The following LGR6 variants were observed in gnomAD, a reference collection of about 807,000 sequenced individuals.
LGR6 encodes leucine-rich repeat-containing G protein-coupled receptor 6.
In LGR6, 45 loss-of-function variants were observed where a neutral mutation model predicts 69.4. The ratio of observed to expected loss-of-function variants is 0.65; its 90% confidence interval spans 0.51 to 0.83. The LOEUF (loss-of-function observed/expected upper bound fraction) is 0.83, where lower values mean the gene tolerates loss of function less well. LGR6 is among the 40% of genes least tolerant of loss of function. The pLI, the probability that LGR6 is intolerant of heterozygous loss-of-function variation, is 0.00. For missense variants in LGR6, 1,108 were observed against 1,246.7 expected (o/e 0.89, Z 1.68); for synonymous variants, 538 against 555.0 (o/e 0.97, Z 0.43).
intron 1 of LGR6, among the ~76,000 whole-genome samples, chr1:202,195,613 G>A (rs562459440): frequency 1.0e-3 from 155 of 152,292 alleles, no homozygotes; most frequent in Middle Eastern, 3.4e-3. Context: ...GGCAAAGCAG[G>A]GCAGGCTCCG....
chr1:202,203,591 G>C, intron 1 of LGR6: 1 of 556,140 alleles, frequency 1.8e-6, no homozygotes, highest in Non-Finnish European at 3.2e-6. Context: ...GACAAATGTG[G>C]ATTGAATGCT....
At chr1:202,234,911 G>A (rs556722056) in intron 3 of LGR6, among the ~76,000 whole-genome samples, 19 of 152,242 alleles carry the variant, frequency 1.2e-4, no homozygotes, top group African/African-American at 4.3e-4. Flanking sequence ...CTGTGCCCAG[G>A]GCAGTCAGCA....
At chr1:202,215,366 G>T (rs185842762) in intron 1 of LGR6, among the ~76,000 whole-genome samples, 1 of 152,264 alleles carries the variant, frequency 6.6e-6, no homozygotes, top group African/African-American at 2.4e-5. Context: ...GGATTTCCAT[G>T]CGAGGAGGGA....
intron 17 of LGR6, among the ~76,000 whole-genome samples, chr1:202,317,196 C>T (rs1425540662): frequency 6.6e-6 from 1 of 152,184 alleles, no homozygotes; most frequent in Non-Finnish European, 1.5e-5. Flanking sequence ...TGTCCCTACC[C>T]ACCATAGCTC....
At chr1:202,305,616 C>T in intron 11 of LGR6, 68 bp from the exon 12 acceptor site, 1 of 1,368,806 alleles carries the variant, frequency 7.3e-7, no homozygotes, top group East Asian at 2.3e-5. Flanking sequence ...GGCTAGAGCC[C>T]CCCGTCCCCG....
chr1:202,289,231 G>T (rs705755), intron 6 of LGR6, among the ~76,000 whole-genome samples: 73,362 of 151,970 alleles, frequency 0.48, 18,633 homozygotes, highest in East Asian at 0.7. Flanking sequence ...GAAGGATTAC[G>T]TAATCTGCAG....
Position 202,194,270 on chromosome 1 carries a change from C to A in LGR6, c.212+69C>A, listed in dbSNP as rs541606353. 10 of 1,169,394 alleles carry A rather than the reference C, an allele frequency of 8.6e-6. No individual in the cohort carries two copies. In the East Asian group the frequency reaches 2.2e-4, roughly 26 times the overall value. 72.4% of individuals were successfully genotyped at this position (1,169,394 alleles called of 1,614,324 possible). On this transcript the variant is annotated intron_variant, in intron 1 of 17. Coordinates refer to ENST00000367278, the MANE Select transcript of LGR6 (RefSeq NM_001017403.2). ...GGCTAGCGCCCAGTCCCGGCCTCAG[C>A]AGGGCACCTGCTTGCTTGGTGCCCT...
At position 202,305,562 on chromosome 1, in the gene LGR6, G is replaced by A. The variant is rs928432577; in HGVS notation, c.1071-122G>A. On this transcript the variant is annotated intron_variant, in intron 11 of 17. Coordinates refer to ENST00000367278, the MANE Select transcript of LGR6 (RefSeq NM_001017403.2). ...ATGCCTCAACAGCCATGTCCCTGTGGGGTCCCCACAGCCTTCAGCTAATTG... is the reference window on the plus strand; with the variant it reads ...ATGCCTCAACAGCCATGTCCCTGTGAGGTCCCCACAGCCTTCAGCTAATTG... 5 of 777,812 alleles carry A rather than the reference G, an allele frequency of 6.4e-6. No individual in the cohort carries two copies. In the African/African-American group the frequency reaches 6.9e-5, roughly 11 times the overall value. The allele number at this position is 777,812 out of a possible 1,614,324, so 48.2% of individuals were successfully genotyped here. A position where few individuals can be genotyped will look rare whatever the true frequency, so the allele number is the denominator to read the frequency against.
intron 2 of LGR6, 91 bp from the exon 3 acceptor site, chr1:202,227,845 C>T (rs1273812136): frequency 1.2e-6 from 1 of 845,954 alleles, no homozygotes; most frequent in African/African-American, 1.7e-5. Context: ...CCACCGCCCT[C>T]CCTTCCCGTA....
intron 4 of LGR6, among the ~76,000 whole-genome samples, chr1:202,247,405 A>C (rs1377162838): frequency 6.6e-6 from 1 of 151,986 alleles, no homozygotes; most frequent in Non-Finnish European, 1.5e-5. Context: ...CCCTCTCCCA[A>C]CCTCAGCTGA....
chr1:202,286,811 T>C (rs1355135746), intron 6 of LGR6, among the ~76,000 whole-genome samples: 1 of 152,130 alleles, frequency 6.6e-6, no homozygotes, highest in East Asian at 1.9e-4. Flanking sequence ...CCCAATGAGT[T>C]TGTGTTGCGT....
chr1:202,221,645 T>C (rs1660160851), intron 1 of LGR6, among the ~76,000 whole-genome samples: 1 of 152,128 alleles, frequency 6.6e-6, no homozygotes, highest in Non-Finnish European at 1.5e-5. Flanking sequence ...TGTACATGCA[T>C]AGGTACAGAT....
chr1:202,252,791 G>A (rs1663379246), intron 4 of LGR6, among the ~76,000 whole-genome samples: 1 of 152,236 alleles, frequency 6.6e-6, no homozygotes, highest in South Asian at 2.1e-4. Flanking sequence ...TATGCTTCCT[G>A]TCTCCTTTCT....
At chr1:202,210,443 AC>A (rs1371496320) in intron 1 of LGR6, among the ~76,000 whole-genome samples, 18 of 148,936 alleles carry the variant, frequency 1.2e-4, no homozygotes, top group African/African-American at 3.9e-4. Context: ...AAAAAAAAAA[AC>A]AAAAACCCTA....
chr1:202,279,959 GT>G (rs1665878410), intron 5 of LGR6, among the ~76,000 whole-genome samples: 1 of 152,136 alleles, frequency 6.6e-6, no homozygotes, highest in Non-Finnish European at 1.5e-5. Context: ...TTATTGGATT[GT>G]TTTGTAGCAG....
chr1:202,316,724 A>G (rs4950777), intron 17 of LGR6, among the ~76,000 whole-genome samples: 51,276 of 151,968 alleles, frequency 0.34, 9,916 homozygotes, highest in Non-Finnish European at 0.43. Flanking sequence ...CACCTATTAT[A>G]TTTGGTAATA....
At chr1:202,267,993 C>T (rs1428570695) in intron 4 of LGR6, among the ~76,000 whole-genome samples, 2 of 152,130 alleles carry the variant, frequency 1.3e-5, no homozygotes, top group African/African-American at 4.8e-5. Flanking sequence ...CTTCATGAGA[C>T]CATAAAGGGC....
At position 202,205,166 on chromosome 1, in the gene LGR6, CACA is replaced by C. The variant is rs1268777290; in HGVS notation, c.212+10966_212+10968del. ...CACACACCTCCACACACACCTAACA[CACA>C]CTTCCTTCAAACACACACCCTCGAA... is the stretch of plus-strand genomic sequence containing the variant. On this transcript the variant is annotated intron_variant, in intron 1 of 17. Coordinates refer to ENST00000367278, the MANE Select transcript of LGR6 (RefSeq NM_001017403.2). 9.2e-3 allele frequency among the ~76,000 whole-genome samples: 69 copies of C among 7,530 alleles called. 1 individual carries two copies. The highest frequency in any genetic ancestry group is 0.014 in the Non-Finnish European group (47 of 3,414). The allele number at this position is 7,530 out of a possible 152,430, so 4.9% of individuals were successfully genotyped here.
At chr1:202,253,248 A>G (rs530431927) in intron 4 of LGR6, among the ~76,000 whole-genome samples, 2 of 152,228 alleles carry the variant, frequency 1.3e-5, no homozygotes, top group South Asian at 4.2e-4. Context: ...GACGTATAGG[A>G]AGACTTAGCA....
Sources: allele counts gnomAD v4.1 joint callset (sites outside exome capture counted in the v4.1 genomes callset), GRCh38; gene constraint gnomAD v4.1.1; transcripts MANE v1.5; gene names NCBI Gene and HGNC (gene_info 2026-07-23, HGNC 2026-07-21).